MCOLN3: variants seen among roughly 807,000 people sequenced by gnomAD.
MCOLN3 encodes mucolipin-3.
In MCOLN3, 62 loss-of-function variants were observed where a neutral mutation model predicts 69.4. That is an observed-to-expected ratio of 0.89 (90% CI 0.73 to 1.10). MCOLN3 has a LOEUF of 1.10. Ranked by LOEUF, MCOLN3 falls within the 50% of genes least tolerant of loss-of-function variation. MCOLN3 has a pLI of 0.00. For missense variants in MCOLN3, 564 were observed against 656.4 expected (o/e 0.86, Z 1.54); for synonymous variants, 183 against 217.0 (o/e 0.84, Z 1.38).
At chr1:85,037,939 G>T (rs1212252721) in intron 3 of MCOLN3, among the ~76,000 whole-genome samples, 2 of 152,194 alleles carry the variant, frequency 1.3e-5, no homozygotes, top group African/African-American at 4.8e-5. Flanking sequence ...CAGCCTTTGA[G>T]TGGTAATATA....
chr1:85,046,750 T>A (rs1266983119), intron 1 of MCOLN3, among the ~76,000 whole-genome samples: 2 of 152,218 alleles, frequency 1.3e-5, no homozygotes, highest in Non-Finnish European at 2.9e-5. Flanking sequence ...AAACTCTTGT[T>A]AATGAAAAGA....
At chr1:85,021,924 C>T in intron 11 of MCOLN3, 146 bp downstream of exon 11, 1 of 1,018,484 alleles carries the variant, frequency 9.8e-7, no homozygotes, top group Non-Finnish European at 1.4e-6. Flanking sequence ...CACCCTTTCA[C>T]TTTATAAATA....
chr1:85,022,326 T>C lies in MCOLN3; in HGVS notation c.1170A>G (p.Arg390=). 6.2e-7 allele frequency: 1 copy of C among 1,613,942 alleles called. No individual in the cohort carries two copies. The highest frequency in any genetic ancestry group is 8.5e-7 in the Non-Finnish European group (1 of 1,179,856). The change falls in exon 10 of 13, where the codon CGA becomes CGG. Residue 390 remains arginine, a synonymous_variant. Coordinates refer to ENST00000370589, the MANE Select transcript of MCOLN3 (RefSeq NM_018298.11). Reference sequence around the variant, plus strand: ...TGTACTTTGCAAAGAAACCGAGGTATCGGATGACTCCAAGCCACACGAGCA... The same window carrying C: ...TGTACTTTGCAAAGAAACCGAGGTACCGGATGACTCCAAGCCACACGAGCA... ...STMLVWLGVI[R]YLGFFAKYNL... is the part of the protein sequence containing the mutation.
rs770763920 is a variant in MCOLN3 at position 85,034,117 on chromosome 1, G to T, written c.531C>A (p.Ile177=). The change falls in exon 4 of 13, where the codon ATC becomes ATA. Residue 177 remains isoleucine (I), a synonymous_variant. Transcript: ENST00000370589. ...NIYPGNDTFD[I]DPEIETECFF... is the part of the protein sequence containing the mutation. ...CATCACCAGTTTCAATTTCTGGATC[G>T]ATGTCAAAGGTATCATTTCCAGGGT... The T allele has an allele frequency of 3.1e-6, 5 of 1,614,140 alleles. No individual in the cohort carries two copies. In the East Asian group the frequency reaches 8.9e-5, roughly 29 times the overall value.
intron 4 of MCOLN3, among the ~76,000 whole-genome samples, chr1:85,033,761 G>C (rs1652661242): frequency 6.6e-6 from 1 of 152,126 alleles, no homozygotes; most frequent in African/African-American, 2.4e-5. Flanking sequence ...CACAAGAGAT[G>C]GTGGAATACG....
Position 85,018,646 on chromosome 1 carries a change from G to C in MCOLN3, c.*477C>G, listed in dbSNP as rs897670106. The C allele has an allele frequency of 6.5e-6, 1 of 153,160 alleles. No homozygotes were observed. The highest frequency in any genetic ancestry group is 2.4e-5 in the African/African-American group (1 of 41,450). 9.5% of individuals were successfully genotyped at this position (153,160 alleles called of 1,614,324 possible). A position where few individuals can be genotyped will look rare whatever the true frequency, so the allele number is the denominator to read the frequency against. ...GGTGCACTCTTATTCTTCCTTTCAA[G>C]AGAAGATTTTAAAATGCAATGATTA... On this transcript the variant is annotated 3_prime_UTR_variant, in exon 13 of 13. Transcript: ENST00000370589.
At position 85,029,223 on chromosome 1, in the gene MCOLN3, C is replaced by T. The variant is rs571939499; in HGVS notation, c.733-18G>A. On this transcript the variant is annotated intron_variant, in intron 6 of 12. Coordinates refer to ENST00000370589, the MANE Select transcript of MCOLN3 (RefSeq NM_018298.11). ...AATGTTATCTGTGAAGACAGGAAAA[C>T]AGTCAAAAACATACTTATAGTTTTG... The T allele has an allele frequency of 2.1e-6, 3 of 1,444,966 alleles. No individual in the cohort carries two copies. Among genetic ancestry groups the T allele is most frequent in the East Asian group, 4.5e-5 (2 of 44,010 alleles). 89.5% of individuals were successfully genotyped at this position (1,444,966 alleles called of 1,614,324 possible).
intron 2 of MCOLN3, 112 bp from the exon 3 acceptor site, chr1:85,041,289 G>A: frequency 1.2e-6 from 1 of 837,442 alleles, no homozygotes; most frequent in Non-Finnish European, 1.8e-6. Flanking sequence ...TGAATTCTCT[G>A]GGACATCAAG....
chr1:85,032,841 C>T (rs771807560), intron 5 of MCOLN3, 31 bp downstream of exon 5: 69 of 1,613,740 alleles, frequency 4.3e-5, no homozygotes, highest in Admixed American at 3.8e-4. Context: ...TACGTGCAAA[C>T]GTAAGTTACA....
chr1:85,021,407 G>A, intron 11 of MCOLN3, 131 bp from the exon 12 acceptor site: 1 of 689,280 alleles, frequency 1.5e-6, no homozygotes, highest in South Asian at 2.0e-5. Flanking sequence ...AATAACCTGA[G>A]GTAACCACAC....
intron 9 of MCOLN3, among the ~76,000 whole-genome samples, chr1:85,023,726 G>A (rs1454591319): frequency 6.6e-6 from 1 of 152,200 alleles, no homozygotes; most frequent in Non-Finnish European, 1.5e-5. Context: ...GACAGGATGA[G>A]ATTACCAAGA....
chr1:85,040,949 T>C, intron 3 of MCOLN3, 61 bp downstream of exon 3: 1 of 1,551,556 alleles, frequency 6.4e-7, no homozygotes, highest in Non-Finnish European at 8.8e-7. Context: ...ATTATGTACA[T>C]TGCCACCATT....
chr1:85,019,926 A>G (rs1651840906), intron 12 of MCOLN3, among the ~76,000 whole-genome samples: 1 of 152,258 alleles, frequency 6.6e-6, no homozygotes, highest in South Asian at 2.1e-4. Flanking sequence ...AGAAAGGATC[A>G]GAAGTAACTT....
chr1:85,037,125 A>T (rs930975758), intron 3 of MCOLN3, among the ~76,000 whole-genome samples: 1 of 152,230 alleles, frequency 6.6e-6, no homozygotes, highest in African/African-American at 2.4e-5. Flanking sequence ...TATGGCACCA[A>T]GCTTTCTGTT....
chr1:85,045,108 C>G, intron 2 of MCOLN3, 25 bp downstream of exon 2: 3 of 1,575,136 alleles, frequency 1.9e-6, no homozygotes, highest in Non-Finnish European at 2.6e-6. Flanking sequence ...AGGCTTTCAC[C>G]AAACTCATGA....
chr1:85,019,717 G>A lies in MCOLN3; in HGVS notation c.1528-460C>T, dbSNP rs531171016. 7.9e-5 allele frequency among the ~76,000 whole-genome samples: 12 copies of A among 152,318 alleles called. No homozygotes were observed. In the East Asian group the frequency reaches 9.6e-4, roughly 12 times the overall value. On this transcript the variant is annotated intron_variant, in intron 12 of 12. Transcript: ENST00000370589. ...AGTAGGCCAAGGGATGGAAATCCCTGGCCTTGCCCAGAACACCTCAGCACA... is the reference window on the plus strand; with the variant it reads ...AGTAGGCCAAGGGATGGAAATCCCTAGCCTTGCCCAGAACACCTCAGCACA...
At chr1:85,040,615 G>A (rs1038609679) in intron 3 of MCOLN3, among the ~76,000 whole-genome samples, 2 of 152,100 alleles carry the variant, frequency 1.3e-5, no homozygotes, top group African/African-American at 4.8e-5. Flanking sequence ...CTTGGTTGCT[G>A]TACAAACTAT....
intron 2 of MCOLN3, 29 bp from the exon 3 acceptor site, chr1:85,041,206 G>C (rs1440371575): frequency 1.3e-6 from 2 of 1,591,098 alleles, no homozygotes. Context: ...AAAGGTAAGA[G>C]GGTGGAAAAT....
Position 85,022,309 on chromosome 1 carries a change from G to A in MCOLN3, c.1187C>T (p.Ala396Val). 2 of 1,613,864 alleles carry A rather than the reference G, an allele frequency of 1.2e-6. No homozygotes were observed. The highest frequency in any genetic ancestry group is 1.7e-6 in the Non-Finnish European group (2 of 1,179,802). Residue 396 changes from alanine (A) to valine (V), a missense_variant, in exon 10 of 13, where the codon GCA becomes GTA. Transcript: ENST00000370589. ...LGVIRYLGFF[A>V]KYNLLILTLQ... ...CGTGGAATTCCTTACGTTGTACTTT[G>A]CAAAGAAACCGAGGTATCGGATGAC... is the stretch of plus-strand genomic sequence containing the variant.
Sources: gnomAD v4.1 joint callset for allele counts (sites outside exome capture counted in the v4.1 genomes callset) on GRCh38, gnomAD v4.1.1 for gene constraint, MANE v1.5 for transcripts, NCBI Gene and HGNC (gene_info 2026-07-23, HGNC 2026-07-21) for gene names.